SPEN: variants seen among roughly 807,000 people sequenced by gnomAD.
SPEN encodes spen family transcriptional repressor.
SPEN carries 18 observed loss-of-function variants against 269.9 expected under a neutral mutation model. That is an observed-to-expected ratio of 0.07 (90% CI 0.05 to 0.10). The LOEUF (loss-of-function observed/expected upper bound fraction) is 0.10. SPEN is among the 10% of genes least tolerant of loss of function. SPEN has a pLI of 1.00. For synonymous variants in SPEN, 1,726 were observed against 1,765.7 expected (o/e 0.98, Z 0.56); for missense variants, 3,822 against 4,631.2 (o/e 0.83, Z 5.07).
intron 3 of SPEN, among the ~76,000 whole-genome samples, chr1:15,906,386 A>G (rs1489001942): frequency 1.3e-5 from 2 of 151,684 alleles, no homozygotes. Context: ...TTATTTTCCT[A>G]CATTTCAAAC....
intron 3 of SPEN, among the ~76,000 whole-genome samples, chr1:15,887,224 C>T (rs1422905870): frequency 6.6e-6 from 1 of 150,698 alleles, no homozygotes; most frequent in Non-Finnish European, 1.5e-5. Context: ...TATCCGCTTG[C>T]CTTTGCCTCC....
At chr1:15,885,499 A>T (rs188061063) in intron 3 of SPEN, among the ~76,000 whole-genome samples, 1 of 152,360 alleles carries the variant, frequency 6.6e-6, no homozygotes, top group Admixed American at 6.5e-5. Context: ...GGACTCCTGT[A>T]AGAGCCAATT....
At chr1:15,855,655 A>G (rs1479464848) in intron 1 of SPEN, among the ~76,000 whole-genome samples, 1 of 151,936 alleles carries the variant, frequency 6.6e-6, no homozygotes, top group Non-Finnish European at 1.5e-5. Flanking sequence ...TGAGGTCAGG[A>G]GTTTGAGACG....
Position 15,937,318 on chromosome 1 carries a change from G to C in SPEN, c.10182G>C (p.Gly3394=), listed in dbSNP as rs763691981. Reference sequence around the variant, plus strand: ...CTCAAGTGTCCCAGGAGGCAAAGGGGACCCAGACGGGAGTAGAGCAGCCTC... The same window carrying C: ...CTCAAGTGTCCCAGGAGGCAAAGGGCACCCAGACGGGAGTAGAGCAGCCTC... ...KMPQVSQEAK[G]TQTGVEQPRL... is the part of the protein sequence containing the mutation. Residue 3394 remains glycine, a synonymous_variant, in exon 12 of 15, where the codon GGG becomes GGC. Coordinates refer to ENST00000375759, the MANE Select transcript of SPEN (RefSeq NM_015001.3). This position sits in a 1 kb window ranked among gnomAD's most constrained non-coding sequence, Gnocchi z 5.7. The C allele has an allele frequency of 3.7e-5, 60 of 1,613,946 alleles. No homozygotes were observed. The highest frequency in any genetic ancestry group is 4.6e-5 in the Non-Finnish European group (54 of 1,180,008).
At chr1:15,900,420 T>A (rs890303727) in intron 3 of SPEN, among the ~76,000 whole-genome samples, 3 of 152,182 alleles carry the variant, frequency 2.0e-5, no homozygotes, top group Non-Finnish European at 4.4e-5. Context: ...ATTGTATATA[T>A]TTTACTTACT....
rs754293393 is a variant in SPEN at position 15,933,039 on chromosome 1, G to A, written c.6799G>A (p.Glu2267Lys). 1 of 1,614,120 alleles carries A rather than the reference G, an allele frequency of 6.2e-7. No homozygotes were observed. The highest frequency in any genetic ancestry group is 8.5e-7 in the Non-Finnish European group (1 of 1,179,960). The change falls in exon 11 of 15, where the codon GAG becomes AAG. Residue 2267 changes from glutamate (E) to lysine (K), a missense_variant. Physicochemically the swap from Glu to Lys is moderately conservative, Grantham distance 56 (BLOSUM62 1). This residue lies in a region of SPEN where 727 missense variants were observed against 737.9 expected (regional missense o/e 0.99). Transcript: ENST00000375759. This position sits in a 1 kb window ranked among gnomAD's most constrained non-coding sequence, Gnocchi z 5.7. The part of the protein sequence containing the change: ...QPSEEGMETD[E>K]AVSGILETEA... Reference sequence around the variant, plus strand: ...TTCTGAGGAAGGAATGGAGACAGATGAGGCTGTATCTGGCATCCTGGAAAC... The same window carrying A: ...TTCTGAGGAAGGAATGGAGACAGATAAGGCTGTATCTGGCATCCTGGAAAC...
At chr1:15,918,307 C>T (rs1425065518) in intron 6 of SPEN, among the ~76,000 whole-genome samples, 1 of 152,250 alleles carries the variant, frequency 6.6e-6, no homozygotes, top group African/African-American at 2.4e-5. Flanking sequence ...CAACCTCTGC[C>T]TCCCGGGTTC....
In SPEN at chr1:15,934,343, G is replaced by A. The variant is rs138496555; in HGVS notation, c.8103G>A (p.Thr2701=). ...NVLKGPVNVL[T]GPVNVLTTPV... ...TGAAAGGGCCTGTGAATGTTCTTAC[G>A]GGGCCAGTGAATGTTCTCACCACTC... Residue 2701 remains threonine, a synonymous_variant, in exon 11 of 15, where the codon ACG becomes ACA. Coordinates refer to ENST00000375759, the MANE Select transcript of SPEN (RefSeq NM_015001.3). This position sits in a 1 kb window ranked among gnomAD's most constrained non-coding sequence, Gnocchi z 9.2. 66 of 1,613,602 alleles carry A rather than the reference G, an allele frequency of 4.1e-5. No homozygotes were observed. In the African/African-American group the frequency reaches 5.1e-4, roughly 12 times the overall value.
At chr1:15,907,456 A>G (rs1374601350) in intron 3 of SPEN, among the ~76,000 whole-genome samples, 2 of 152,164 alleles carry the variant, frequency 1.3e-5, no homozygotes, top group Non-Finnish European at 2.9e-5. Flanking sequence ...AGCCTGGACA[A>G]CAGAGCGAGA....
chr1:15,928,091 A>C lies in SPEN; in HGVS notation c.1851A>C (p.Arg617Ser). 4 of 1,580,176 alleles carry C rather than the reference A, an allele frequency of 2.5e-6. No homozygotes were observed. The highest frequency in any genetic ancestry group is 3.4e-6 in the Non-Finnish European group (4 of 1,160,350). Residue 617 changes from arginine to serine, a missense_variant and splice_region_variant, in exon 11 of 15, where the codon AGA becomes AGC. Physicochemically the swap from Arg to Ser is moderately radical, Grantham distance 110. Transcript: ENST00000375759. This position sits in a 1 kb window ranked among gnomAD's most constrained non-coding sequence, Gnocchi z 5.7. Reference protein sequence around the residue: ...RDFYEMLAERREERRASYDYN... With the variant: ...RDFYEMLAERSEERRASYDYN... ...TAATATCTTTGTTATTTTTTGGCAG[A>C]GAGGAACGAAGGGCATCCTACGACT...
intron 3 of SPEN, 134 bp downstream of exon 3, chr1:15,876,812 A>G: frequency 2.7e-6 from 2 of 742,244 alleles, no homozygotes; most frequent in Non-Finnish European, 2.3e-6. Flanking sequence ...TCAGTAAAGA[A>G]ACTGGCATGT....
chr1:15,867,447 C>CTTGG, intron 1 of SPEN, among the ~76,000 whole-genome samples: 1 of 152,160 alleles, frequency 6.6e-6, no homozygotes, highest in East Asian at 1.9e-4. Context: ...ATCTGCCCAC[C>CTTGG]TTGGCTTCCT....
intron 3 of SPEN, among the ~76,000 whole-genome samples, chr1:15,894,760 G>C (rs1557746748): frequency 1.3e-5 from 2 of 151,710 alleles, no homozygotes; most frequent in Non-Finnish European, 2.9e-5. Context: ...GGTTGGGCTC[G>C]ATCTGACCTC....
At chr1:15,851,632 T>A (rs2070336856) in intron 1 of SPEN, among the ~76,000 whole-genome samples, 1 of 152,204 alleles carries the variant, frequency 6.6e-6, no homozygotes, top group Non-Finnish European at 1.5e-5. Context: ...CATCTCCAGT[T>A]TTAGAGACTA....
chr1:15,925,962 T>C (rs1228918600), intron 10 of SPEN, among the ~76,000 whole-genome samples: 1 of 152,232 alleles, frequency 6.6e-6, no homozygotes, highest in Non-Finnish European at 1.5e-5. Flanking sequence ...GTAACAGTTA[T>C]TTATGAGCTG....
In SPEN at chr1:15,937,596, C is replaced by T. The variant is rs2071289345; in HGVS notation, c.10460C>T (p.Ser3487Phe). 6.2e-7 allele frequency: 1 copy of T among 1,614,084 alleles called. No individual in the cohort carries two copies. The highest frequency in any genetic ancestry group is 8.5e-7 in the Non-Finnish European group (1 of 1,180,028). Reference protein sequence around the residue: ...EFQPAPKQDSSPHLTSQRPVD... With the variant: ...EFQPAPKQDSFPHLTSQRPVD... ...CAGCCAGCCCCCAAACAAGATTCCT[C>T]TCCACACCTGACTTCCCAGAGACCC... Residue 3487 changes from serine (S) to phenylalanine (F), a missense_variant, in exon 12 of 15, where the codon TCT becomes TTT. Coordinates refer to ENST00000375759, the MANE Select transcript of SPEN (RefSeq NM_015001.3). This position sits in a 1 kb window ranked among gnomAD's most constrained non-coding sequence, Gnocchi z 5.7.
rs1252098636 is a variant in SPEN at position 15,934,041 on chromosome 1, G to A, written c.7801G>A (p.Val2601Met). ...TNNSEIQASEVLVAADKEKVA... is the reference protein window; with the variant it reads ...TNNSEIQASEMLVAADKEKVA... ...CAACTCTGAGATACAAGCCTCGGAG[G>A]TGCTGGTAGCTGCTGACAAGGAAAA... Residue 2601 changes from valine (V) to methionine (M), a missense_variant, in exon 11 of 15, where the codon GTG becomes ATG. Val to Met is a conservative substitution (Grantham distance 21). Coordinates refer to ENST00000375759, the MANE Select transcript of SPEN (RefSeq NM_015001.3). This position sits in a 1 kb window ranked among gnomAD's most constrained non-coding sequence, Gnocchi z 9.2. 1.9e-6 allele frequency: 3 copies of A among 1,612,268 alleles called. No individual in the cohort carries two copies. Among genetic ancestry groups the A allele is most frequent in the Admixed American group, 1.7e-5 (1 of 59,856 alleles).
At chr1:15,862,882 C>T (rs1238271709) in intron 1 of SPEN, among the ~76,000 whole-genome samples, 1 of 152,064 alleles carries the variant, frequency 6.6e-6, no homozygotes, top group Non-Finnish European at 1.5e-5. Context: ...CTGCCTCAGC[C>T]TCCTGAGTAG....
chr1:15,911,387 A>C (rs1402033968), intron 5 of SPEN, 86 bp downstream of exon 5: 1 of 1,028,814 alleles, frequency 9.7e-7, no homozygotes, highest in East Asian at 2.5e-5. Context: ...TATGATCCTG[A>C]ATGAGGACAC....
Sources: allele counts gnomAD v4.1 joint callset (sites outside exome capture counted in the v4.1 genomes callset), GRCh38; gene constraint gnomAD v4.1.1; regional missense constraint gnomAD v4.1.1; non-coding constraint Gnocchi (gnomAD v3.1); transcripts MANE v1.5; gene names NCBI Gene and HGNC (gene_info 2026-07-23, HGNC 2026-07-21).